TNFRSF8: variants seen among roughly 807,000 people sequenced by gnomAD.
TNFRSF8 encodes TNF receptor superfamily member 8.
TNFRSF8 carries 26 observed loss-of-function variants against 70.8 expected under a neutral mutation model. That is an observed-to-expected ratio of 0.37 (90% CI 0.27 to 0.51). TNFRSF8 has a LOEUF of 0.51. Ranked by LOEUF, TNFRSF8 falls within the 20% of genes least tolerant of loss-of-function variation. TNFRSF8 has a pLI of 0.94. For missense variants in TNFRSF8, 720 were observed against 807.9 expected (o/e 0.89, Z 1.32); for synonymous variants, 356 against 339.2 (o/e 1.05, Z -0.54).
At chr1:12,092,474 T>G (rs80133771) in intron 2 of TNFRSF8, among the ~76,000 whole-genome samples, 1 of 151,438 alleles carries the variant, frequency 6.6e-6, no homozygotes, top group Admixed American at 6.6e-5. Context: ...TGCCTGAAAA[T>G]GTCCAATTTT....
At chr1:12,126,333 C>A in intron 12 of TNFRSF8, 97 bp downstream of exon 12, 1 of 1,432,442 alleles carries the variant, frequency 7.0e-7, no homozygotes, top group Non-Finnish European at 9.8e-7. Context: ...ACTTCTACCC[C>A]AGCCTCGAAG....
At chr1:12,135,119 G>C (rs1570083455) in intron 12 of TNFRSF8, among the ~76,000 whole-genome samples, 2 of 152,058 alleles carry the variant, frequency 1.3e-5, no homozygotes, top group East Asian at 3.9e-4. Context: ...TTTGAGACCG[G>C]CCTGGCCAAC....
In TNFRSF8 at chr1:12,113,181, A is replaced by T. The variant is rs1225479879; in HGVS notation, c.793+1167A>T. Reference sequence around the variant, plus strand: ...AAAGCCCAAAAGCTGCAGATCAGGAACTTCTGAAGCTTCATTCATTCACCT... The same window carrying T: ...AAAGCCCAAAAGCTGCAGATCAGGATCTTCTGAAGCTTCATTCATTCACCT... On this transcript the variant is annotated intron_variant, in intron 7 of 14. Transcript: ENST00000263932. The surrounding 1 kb of genome is among the most constrained non-coding windows in gnomAD (Gnocchi z 4.9). Among the ~76,000 whole-genome samples, 1 of 152,182 alleles carries T rather than the reference A, an allele frequency of 6.6e-6. No homozygotes were observed. Among genetic ancestry groups the T allele is most frequent in the Non-Finnish European group, 1.5e-5 (1 of 68,018 alleles).
chr1:12,130,477 A>G (rs1220750874), intron 12 of TNFRSF8, among the ~76,000 whole-genome samples: 1 of 152,030 alleles, frequency 6.6e-6, no homozygotes, highest in Non-Finnish European at 1.5e-5. Context: ...TGCCTCTCCA[A>G]GGAGCCCGGG....
chr1:12,091,194 C>T (rs1570011024), intron 2 of TNFRSF8, among the ~76,000 whole-genome samples: 1 of 152,308 alleles, frequency 6.6e-6, no homozygotes, highest in Non-Finnish European at 1.5e-5. Context: ...TTTGTTATGG[C>T]AGCCTGAGCA....
At position 12,063,812 on chromosome 1, in the gene TNFRSF8, T is replaced by C; in HGVS notation, c.63+151T>C. On this transcript the variant is annotated intron_variant, in intron 1 of 14. Coordinates refer to ENST00000263932, the MANE Select transcript of TNFRSF8 (RefSeq NM_001243.5). The surrounding 1 kb of genome is among the most constrained non-coding windows in gnomAD (Gnocchi z 7.2). The stretch of plus-strand genomic sequence containing the variant: ...GGTGACAAGCAGGAACACCGGAATA[T>C]GCTAGCACCCACAGGTGGGAGGCTG... 1.4e-6 allele frequency: 1 copy of C among 728,644 alleles called. No homozygotes were observed. Among genetic ancestry groups the C allele is most frequent in the Non-Finnish European group, 1.9e-6 (1 of 526,896 alleles). 45.1% of individuals were successfully genotyped at this position (728,644 alleles called of 1,614,324 possible).
At position 12,123,725 on chromosome 1, in the gene TNFRSF8, A is replaced by T; in HGVS notation, c.1051A>T (p.Thr351Ser). ...GGCTTCTCCCCGCAGCACCAGCCCCACTCAGAGCTTGCTGGTGGACTCCCA... is the reference window on the plus strand; with the variant it reads ...GGCTTCTCCCCGCAGCACCAGCCCCTCTCAGAGCTTGCTGGTGGACTCCCA... ...NGEAPASTSP[T>S]QSLLVDSQAS... The change falls in exon 10 of 15, where the codon ACT (threonine) becomes TCT (serine). Residue 351 changes from threonine to serine, a missense_variant. Transcript: ENST00000263932. 1 of 1,564,262 alleles carries T rather than the reference A, an allele frequency of 6.4e-7. No homozygotes were observed. The highest frequency in any genetic ancestry group is 8.7e-7 in the Non-Finnish European group (1 of 1,153,876).
In TNFRSF8 at chr1:12,072,673, G is replaced by A. The variant is rs80304744; in HGVS notation, c.63+9012G>A. Among the ~76,000 whole-genome samples the A allele has an allele frequency of 8.5e-5, 13 of 152,252 alleles. No homozygotes were observed. The East Asian group carries it at 2.3e-3, about 27-fold the overall frequency. Reference sequence around the variant, plus strand: ...GGGGCTAAGAACTCCTAGAGGCGTCGCCCACAGCTTCATTTCAGCCATCAA... The same window carrying A: ...GGGGCTAAGAACTCCTAGAGGCGTCACCCACAGCTTCATTTCAGCCATCAA... On this transcript the variant is annotated intron_variant, in intron 1 of 14. Transcript: ENST00000263932.
At chr1:12,123,855 C>T (rs907565694) in intron 10 of TNFRSF8, 28 bp downstream of exon 10, 2 of 1,534,022 alleles carry the variant, frequency 1.3e-6, no homozygotes, top group Non-Finnish European at 1.8e-6. Context: ...CTCACCCCTA[C>T]TCCCAGCAGG....
At chr1:12,107,286 T>C (rs958744326) in intron 4 of TNFRSF8, among the ~76,000 whole-genome samples, 1 of 151,878 alleles carries the variant, frequency 6.6e-6, no homozygotes. Flanking sequence ...TCTCAACTAC[T>C]TGGGAGGCTG....
At chr1:12,103,135 G>A (rs890965061) in intron 3 of TNFRSF8, among the ~76,000 whole-genome samples, 4 of 152,080 alleles carry the variant, frequency 2.6e-5, no homozygotes, top group South Asian at 2.1e-4. Flanking sequence ...AGGCCGAGGC[G>A]GGTGGATCAC....
chr1:12,098,044 T>C (rs1279442784), intron 3 of TNFRSF8, among the ~76,000 whole-genome samples: 1 of 152,202 alleles, frequency 6.6e-6, no homozygotes, highest in Non-Finnish European at 1.5e-5. Flanking sequence ...TTTTGCTTCA[T>C]ATATGTCAAA....
rs1641791161 is a variant in TNFRSF8, at chr1:12,119,480, A to G, written c.946+3751A>G. Among the ~76,000 whole-genome samples the G allele has an allele frequency of 6.6e-6, 1 of 151,898 alleles. No individual in the cohort carries two copies. The highest frequency in any genetic ancestry group is 2.4e-5 in the African/African-American group (1 of 41,328). On this transcript the variant is annotated intron_variant, in intron 8 of 14. Coordinates refer to ENST00000263932, the MANE Select transcript of TNFRSF8 (RefSeq NM_001243.5). This position sits in a 1 kb window ranked among gnomAD's most constrained non-coding sequence, Gnocchi z 4.4. ...GTAATAGATGCACCACCATGATTTTATCTACCTGCCGGTTGATGGCATTTG... is the reference window on the plus strand; with the variant it reads ...GTAATAGATGCACCACCATGATTTTGTCTACCTGCCGGTTGATGGCATTTG...
chr1:12,139,249 T>G (rs1306733243), intron 14 of TNFRSF8, among the ~76,000 whole-genome samples: 1 of 152,178 alleles, frequency 6.6e-6, no homozygotes, highest in Non-Finnish European at 1.5e-5. Context: ...TGACAGCAAG[T>G]TGTAGCTCCC....
At chr1:12,066,307 T>TA (rs200458388) in intron 1 of TNFRSF8, among the ~76,000 whole-genome samples, 2,031 of 150,824 alleles carry the variant, frequency 0.013, 41 homozygotes, top group African/African-American at 0.047. Flanking sequence ...GCTCGTTATT[T>TA]TAAAAAAAAA....
chr1:12,066,944 T>C (rs964006773), intron 1 of TNFRSF8, among the ~76,000 whole-genome samples: 1 of 152,078 alleles, frequency 6.6e-6, no homozygotes, highest in Non-Finnish European at 1.5e-5. Flanking sequence ...TGAGCCACCG[T>C]GCCCATCCTG....
At chr1:12,125,525 A>G (rs1178408228) in intron 10 of TNFRSF8, among the ~76,000 whole-genome samples, 3 of 152,186 alleles carry the variant, frequency 2.0e-5, no homozygotes, top group Non-Finnish European at 4.4e-5. Context: ...CTCATCAAGC[A>G]GGTCTAGAGG....
chr1:12,095,558 G>T (rs1274137475), intron 2 of TNFRSF8, among the ~76,000 whole-genome samples: 1 of 152,180 alleles, frequency 6.6e-6, no homozygotes, highest in African/African-American at 2.4e-5. Flanking sequence ...AAAGTGTTGG[G>T]GTTACAGGCG....
Position 12,109,486 on chromosome 1 carries a change from C to A in TNFRSF8, c.422-80C>A. ...CCAAGGGCCCCATCTCCGACTCTGG[C>A]CTGTGGTAGTGAAGGGTGTATTCCG... On this transcript the variant is annotated intron_variant, in intron 4 of 14. Transcript: ENST00000263932. This position sits in a 1 kb window ranked among gnomAD's most constrained non-coding sequence, Gnocchi z 4.4. 2 of 1,200,682 alleles carry A rather than the reference C, an allele frequency of 1.7e-6. No individual in the cohort carries two copies. The highest frequency in any genetic ancestry group is 2.4e-6 in the Non-Finnish European group (2 of 829,912). The allele number at this position is 1,200,682 out of a possible 1,614,324, so 74.4% of individuals were successfully genotyped here. A position where few individuals can be genotyped will look rare whatever the true frequency, so the allele number is the denominator to read the frequency against.
Sources: gnomAD v4.1 joint callset for allele counts (sites outside exome capture counted in the v4.1 genomes callset) on GRCh38, gnomAD v4.1.1 for gene constraint, Gnocchi (gnomAD v3.1) non-coding constraint, MANE v1.5 for transcripts, NCBI Gene and HGNC (gene_info 2026-07-23, HGNC 2026-07-21) for gene names.